SAMMSON: variants seen among roughly 807,000 people sequenced by gnomAD.
The protein encoded by SAMMSON is survival associated mitochondrial melanoma specific oncogenic non-coding RNA.
intron 2 of SAMMSON, chr3:70,424,802 G>A (rs1207767664): frequency 2.0e-5 from 3 of 152,150 alleles, no homozygotes; most frequent in Admixed American, 1.3e-4. Flanking sequence ...GTTGTAGGAT[G>A]TTCAGCAGAA....
chr3:70,167,921 T>A (rs904760898), intron 4 of SAMMSON, among the ~76,000 whole-genome samples: 2 of 151,940 alleles, frequency 1.3e-5, no homozygotes, highest in African/African-American at 2.4e-5. Flanking sequence ...GTGGCTAAAG[T>A]ATTGATTTTG....
intron 4 of SAMMSON, among the ~76,000 whole-genome samples, chr3:70,226,770 C>T (rs1383153063): frequency 1.3e-5 from 2 of 149,580 alleles, no homozygotes; most frequent in Non-Finnish European, 1.5e-5. Flanking sequence ...TGTGCAATTT[C>T]CAGGTGGCAA....
chr3:70,433,657 G>T (rs1701433969), intron 2 of SAMMSON, among the ~76,000 whole-genome samples: 2 of 152,066 alleles, frequency 1.3e-5, no homozygotes, highest in South Asian at 4.2e-4. Context: ...AAATTTTAAT[G>T]AAGTATAATG....
intron 9 of SAMMSON, among the ~76,000 whole-genome samples, chr3:70,365,062 A>G (rs978189064): frequency 2.6e-5 from 4 of 151,724 alleles, no homozygotes; most frequent in Non-Finnish European, 5.9e-5. Context: ...TCTTTATGCT[A>G]TAAAGTTCTA....
At chr3:70,262,623 T>A (rs1225146565) in intron 6 of SAMMSON, among the ~76,000 whole-genome samples, 1 of 152,166 alleles carries the variant, frequency 6.6e-6, no homozygotes, top group East Asian at 1.9e-4. Context: ...TTCTGCTAGG[T>A]TCAAAGCAAG....
At chr3:70,384,979 A>G (rs1703108252) in intron 9 of SAMMSON, among the ~76,000 whole-genome samples, 1 of 152,090 alleles carries the variant, frequency 6.6e-6, no homozygotes, top group Admixed American at 6.6e-5. Context: ...GTTAATTTTA[A>G]TAGCCACATG....
chr3:70,142,504 A>C (rs1171228322), intron 4 of SAMMSON, among the ~76,000 whole-genome samples: 1 of 152,232 alleles, frequency 6.6e-6, no homozygotes, highest in South Asian at 2.1e-4. Flanking sequence ...CAAAGGCATA[A>C]GAATGACACA....
At chr3:70,415,487 G>T (rs751537678) in intron 2 of SAMMSON, among the ~76,000 whole-genome samples, 8 of 152,118 alleles carry the variant, frequency 5.3e-5, no homozygotes, top group Non-Finnish European at 1.0e-4. Flanking sequence ...AGTGGGAGGA[G>T]CTCCCCCTCC....
chr3:70,423,155 G>A (rs1203805310), intron 2 of SAMMSON, among the ~76,000 whole-genome samples: 1 of 152,026 alleles, frequency 6.6e-6, no homozygotes, highest in Admixed American at 6.6e-5. Context: ...GACTGAGAAA[G>A]ATGAGACAAA....
At chr3:70,099,045 G>T (rs893509728) in intron 4 of SAMMSON, among the ~76,000 whole-genome samples, 1 of 152,160 alleles carries the variant, frequency 6.6e-6, no homozygotes, top group African/African-American at 2.4e-5. Flanking sequence ...TGATATGTAA[G>T]GCTCTAGTTC....
chr3:70,008,320 A>C (rs530619604), intron 1 of SAMMSON, among the ~76,000 whole-genome samples: 30 of 152,086 alleles, frequency 2.0e-4, no homozygotes, highest in African/African-American at 6.0e-4. Context: ...CTTTTCTTTC[A>C]TTGAGCGGTG....
At chr3:70,197,403 A>G (rs1701193192) in intron 4 of SAMMSON, among the ~76,000 whole-genome samples, 1 of 152,112 alleles carries the variant, frequency 6.6e-6, no homozygotes, top group African/African-American at 2.4e-5. Flanking sequence ...AGCATTTCCT[A>G]TTGATTCGAC....
chr3:70,019,033 T>C (rs1417199490), intron 3 of SAMMSON, among the ~76,000 whole-genome samples: 1 of 152,196 alleles, frequency 6.6e-6, no homozygotes, highest in Non-Finnish European at 1.5e-5. Context: ...GAGTGCGATG[T>C]GGTGCTGAGA....
At chr3:70,019,939 G>A (rs979612617) in intron 3 of SAMMSON, among the ~76,000 whole-genome samples, 1 of 152,182 alleles carries the variant, frequency 6.6e-6, no homozygotes, top group Non-Finnish European at 1.5e-5. Context: ...TTGGTGGAAT[G>A]TGAGTTCCCT....
At chr3:70,057,844 C>A (rs2067173617) in intron 3 of SAMMSON, among the ~76,000 whole-genome samples, 1 of 151,958 alleles carries the variant, frequency 6.6e-6, no homozygotes, top group South Asian at 2.1e-4. Flanking sequence ...ATGCAGTGGG[C>A]AAACACTGTC....
intron 4 of SAMMSON, among the ~76,000 whole-genome samples, chr3:70,194,603 G>A (rs752485070): frequency 6.6e-6 from 1 of 152,146 alleles, no homozygotes; most frequent in Non-Finnish European, 1.5e-5. Context: ...TTAACAAACC[G>A]TGGAAAGCAA....
chr3:70,292,635 A>G (rs572371957), intron 7 of SAMMSON, among the ~76,000 whole-genome samples: 2 of 152,270 alleles, frequency 1.3e-5, no homozygotes, highest in East Asian at 1.9e-4. Context: ...ATGAAAAATA[A>G]CTATTTAAAC....
At chr3:70,313,175 A>G (rs1702469756) in intron 7 of SAMMSON, among the ~76,000 whole-genome samples, 1 of 152,214 alleles carries the variant, frequency 6.6e-6, no homozygotes, top group South Asian at 2.1e-4. Flanking sequence ...AGGATAATAC[A>G]GATTTTTGCC....
At chr3:70,406,737 A>T (rs746756956) in intron 2 of SAMMSON, among the ~76,000 whole-genome samples, 6 of 152,212 alleles carry the variant, frequency 3.9e-5, no homozygotes, top group Non-Finnish European at 8.8e-5. Context: ...TAATGGGCTG[A>T]TGGAGGAGAT....
Sources: allele counts gnomAD v4.1 joint callset (sites outside exome capture counted in the v4.1 genomes callset), GRCh38; gene constraint gnomAD v4.1.1; transcripts MANE v1.5; gene names NCBI Gene and HGNC (gene_info 2026-07-23, HGNC 2026-07-21).